Variants in NBAS observed in about 807,000 individuals in gnomAD.
NBAS encodes the protein NAG/BC035112 fusion.
Under a neutral mutation model 302.5 loss-of-function variants are expected in NBAS, and 219 were observed. That is an observed-to-expected ratio of 0.72 (90% CI 0.65 to 0.81). The LOEUF is 0.81. NBAS is among the 30% of genes least tolerant of loss of function. The probability of loss-of-function intolerance (pLI) is 0.00; values close to 1 mark genes in which losing one functional copy is unlikely to be tolerated. For missense variants in NBAS, 2,932 were observed against 2,841.6 expected (o/e 1.03, Z -0.72); for synonymous variants, 1,118 against 1,021.6 (o/e 1.09, Z -1.80).
chr2:14,933,767 T>C, the NBAS span, among the ~76,000 whole-genome samples: 2 of 152,196 alleles, frequency 1.3e-5, no homozygotes, highest in South Asian at 4.1e-4. Flanking sequence ...TAATTATCTC[T>C]TTAATTACAC....
At chr2:15,240,446 C>CA (rs1175235771) in intron 44 of NBAS, among the ~76,000 whole-genome samples, 4,906 of 75,342 alleles carry the variant, frequency 0.065, 152 homozygotes, top group African/African-American at 0.12. Context: ...ACTAAAAATA[C>CA]AAAAAAAAAA....
At chr2:15,234,021 T>G (rs1010397288) in intron 46 of NBAS, among the ~76,000 whole-genome samples, 2 of 152,174 alleles carry the variant, frequency 1.3e-5, no homozygotes, top group African/African-American at 4.8e-5. Context: ...CACCCACATA[T>G]CGACGCAAAG....
chr2:14,994,705 CT>C, the NBAS span, among the ~76,000 whole-genome samples: 1 of 152,330 alleles, frequency 6.6e-6, no homozygotes, highest in East Asian at 1.9e-4. Flanking sequence ...CTTGTCCTAT[CT>C]TCTTTTCCCA....
intron 12 of NBAS, 126 bp downstream of exon 12, chr2:15,488,768 G>A: frequency 8.1e-7 from 1 of 1,237,308 alleles, no homozygotes; most frequent in Non-Finnish European, 1.2e-6. Context: ...TAATTTAAAG[G>A]ATAGAAGAGC....
At chr2:15,047,969 T>C in the NBAS span, among the ~76,000 whole-genome samples, 1 of 152,262 alleles carries the variant, frequency 6.6e-6, no homozygotes, top group Non-Finnish European at 1.5e-5. Context: ...GGTGCCTGGC[T>C]CACAGTATGA....
intron 6 of NBAS, among the ~76,000 whole-genome samples, chr2:15,542,148 C>T (rs1453667637): frequency 1.2e-5 from 1 of 83,664 alleles, no homozygotes. Flanking sequence ...TCATTGAGAA[C>T]GGGCCATGAT....
chr2:14,860,465 T>C, the NBAS span, among the ~76,000 whole-genome samples: 1 of 152,164 alleles, frequency 6.6e-6, no homozygotes. Context: ...ATAAAGAGAA[T>C]GTGATATATA....
At chr2:14,821,755 G>A in the NBAS span, among the ~76,000 whole-genome samples, 1 of 152,194 alleles carries the variant, frequency 6.6e-6, no homozygotes, top group East Asian at 1.9e-4. Flanking sequence ...GCTTACACCT[G>A]TAATCCCAGC....
At chr2:15,035,754 T>C in the NBAS span, among the ~76,000 whole-genome samples, 625 of 152,078 alleles carry the variant, frequency 4.1e-3, 8 homozygotes, top group Non-Finnish European at 3.1e-3. Context: ...AAATCAAACA[T>C]CACATGTTCT....
At chr2:15,148,371 G>T in the NBAS span, among the ~76,000 whole-genome samples, 2 of 152,254 alleles carry the variant, frequency 1.3e-5, no homozygotes, top group East Asian at 3.9e-4. Flanking sequence ...AAAAACTTAA[G>T]TTGAGGGGCA....
chr2:15,152,035 A>G, the NBAS span, among the ~76,000 whole-genome samples: 1 of 151,982 alleles, frequency 6.6e-6, no homozygotes, highest in African/African-American at 2.4e-5. Context: ...TTTTTAGTAG[A>G]GAGGGGGTTT....
At chr2:14,892,183 C>T in the NBAS span, among the ~76,000 whole-genome samples, 1 of 152,158 alleles carries the variant, frequency 6.6e-6, no homozygotes, top group Admixed American at 6.5e-5. Flanking sequence ...TAAGCCAATG[C>T]TCTGTTGTAA....
At chr2:15,278,184 G>C (rs897237802) in intron 42 of NBAS, among the ~76,000 whole-genome samples, 1 of 152,112 alleles carries the variant, frequency 6.6e-6, no homozygotes, top group Non-Finnish European at 1.5e-5. Flanking sequence ...AACTTTCAGG[G>C]GAATGTGACA....
chr2:15,132,648 AG>A, the NBAS span, among the ~76,000 whole-genome samples: 1 of 152,182 alleles, frequency 6.6e-6, no homozygotes, highest in Non-Finnish European at 1.5e-5. Context: ...GCAAATGTGC[AG>A]GGTGTTCATA....
chr2:15,212,692 A>G (rs1486834208), intron 48 of NBAS, among the ~76,000 whole-genome samples: 1 of 152,150 alleles, frequency 6.6e-6, no homozygotes, highest in African/African-American at 2.4e-5. Flanking sequence ...AGTTTCCCCT[A>G]TGCTATTCTC....
At chr2:15,210,925 G>C (rs865934759) in intron 48 of NBAS, among the ~76,000 whole-genome samples, 1 of 152,100 alleles carries the variant, frequency 6.6e-6, no homozygotes. Context: ...AATATTAAAA[G>C]TATTGAACTC....
intron 38 of NBAS, among the ~76,000 whole-genome samples, chr2:15,319,217 T>C (rs1000138634): frequency 1.3e-5 from 2 of 152,104 alleles, no homozygotes; most frequent in Middle Eastern, 3.2e-3. Flanking sequence ...AAAGACACAA[T>C]GTACCAGAAT....
At chr2:15,205,698 A>G (rs1666107355) in intron 48 of NBAS, among the ~76,000 whole-genome samples, 1 of 152,154 alleles carries the variant, frequency 6.6e-6, no homozygotes, top group African/African-American at 2.4e-5. Flanking sequence ...TGACTGAGTC[A>G]TGGGGGTGGA....
chr2:14,814,626 A>G, the NBAS span, among the ~76,000 whole-genome samples: 2 of 152,170 alleles, frequency 1.3e-5, no homozygotes, highest in Non-Finnish European at 2.9e-5. Flanking sequence ...CTTGTTTTTT[A>G]TTATACAGGC....
Sources: gnomAD v4.1 joint callset for allele counts (sites outside exome capture counted in the v4.1 genomes callset) on GRCh38, gnomAD v4.1.1 for gene constraint, MANE v1.5 for transcripts, NCBI Gene and HGNC (gene_info 2026-07-23, HGNC 2026-07-21) for gene names.